Variants in SPECC1 observed in about 807,000 individuals in gnomAD.
SPECC1 encodes cytospin-B.
In SPECC1, 62 loss-of-function variants were observed where a neutral mutation model predicts 104.1. The observed-to-expected ratio is 0.60, with a 90% CI of 0.49 to 0.74. The LOEUF is 0.74. Ranked by LOEUF, SPECC1 falls within the 30% of genes least tolerant of loss-of-function variation. SPECC1 has a pLI of 0.00. For synonymous variants in SPECC1, 513 were observed against 501.6 expected, an observed-to-expected ratio of 1.02 and a Z score of -0.30; for missense variants, 1,306 against 1,310.5, an observed-to-expected ratio of 1.00 and a Z score of 0.05.
At chr17:20,074,459 C>G (rs761458924) in intron 1 of SPECC1, among the ~76,000 whole-genome samples, 1 of 152,232 alleles carries the variant, frequency 6.6e-6, no homozygotes, top group East Asian at 1.9e-4. Context: ...CTTACCCACT[C>G]TATTTTCTAG....
At chr17:20,107,689 C>T (rs150957151) in intron 2 of SPECC1, among the ~76,000 whole-genome samples, 298 of 151,940 alleles carry the variant, frequency 2.0e-3, no homozygotes, top group African/African-American at 7.0e-3. Context: ...ACTCACCTGG[C>T]TAATTTTTGT....
At chr17:20,249,178 G>C (rs2151551902) in intron 9 of SPECC1, among the ~76,000 whole-genome samples, 1 of 152,284 alleles carries the variant, frequency 6.6e-6, no homozygotes, top group East Asian at 1.9e-4. Context: ...CTAGCATTTT[G>C]GGAGGCCGAA....
intron 3 of SPECC1, among the ~76,000 whole-genome samples, chr17:20,185,541 G>T (rs1375268575): frequency 6.6e-6 from 1 of 152,208 alleles, no homozygotes; most frequent in Non-Finnish European, 1.5e-5. Context: ...ATGTAAGAAT[G>T]GCCTAGCCAA....
chr17:20,300,710 C>T lies in SPECC1; in HGVS notation c.3057+3633C>T, dbSNP rs1199675821. On this transcript the variant is annotated intron_variant, in intron 13 of 14. Transcript: ENST00000395527. ...GGCTCCGCCAGCTGCCCAGGCCTCCCGCAGCCGTGGCAGCATGCAGTGGGG... is the reference window on the plus strand; with the variant it reads ...GGCTCCGCCAGCTGCCCAGGCCTCCTGCAGCCGTGGCAGCATGCAGTGGGG... Among the ~76,000 whole-genome samples the T allele has an allele frequency of 3.9e-5, 6 of 152,256 alleles. No individual in the cohort carries two copies. The South Asian group carries it at 6.2e-4, about 16-fold the overall frequency.
chr17:20,291,759 G>A (rs189711005), intron 12 of SPECC1, among the ~76,000 whole-genome samples: 10 of 152,050 alleles, frequency 6.6e-5, no homozygotes, highest in East Asian at 3.9e-4. Flanking sequence ...TGGCCTGTCC[G>A]GTCTCAAACC....
At position 20,318,246 on chromosome 17, in the gene SPECC1, C is replaced by T. The variant is rs568028909; in HGVS notation, c.*4181C>T. On this transcript the variant is annotated 3_prime_UTR_variant, in exon 15 of 15. Transcript: ENST00000395527. ...CAAGGTGAGAAGTCGCTGTTCTCTG[C>T]ATTGAACATGGATTGAATTTTCCTT... 12 of 232,508 alleles carry T rather than the reference C, an allele frequency of 5.2e-5. No individual in the cohort carries two copies. Among genetic ancestry groups the T allele is most frequent in the Non-Finnish European group, 7.7e-5 (9 of 117,558 alleles). The allele number at this position is 232,508 out of a possible 1,614,324, so 14.4% of individuals were successfully genotyped here.
chr17:20,209,662 C>T lies in SPECC1; in HGVS notation c.1863+3750C>T, dbSNP rs562245370. On this transcript the variant is annotated intron_variant, in intron 4 of 14. Transcript: ENST00000395527. Reference sequence around the variant, plus strand: ...GGCCGCTTAATCTGTAGTCACATGACATACTTCTGTACAACTTTGAGGACG... The same window carrying T: ...GGCCGCTTAATCTGTAGTCACATGATATACTTCTGTACAACTTTGAGGACG... 2.0e-5 allele frequency among the ~76,000 whole-genome samples: 3 copies of T among 152,262 alleles called. No individual in the cohort carries two copies. In the South Asian group the frequency reaches 6.2e-4, roughly 32 times the overall value.
chr17:20,161,563 G>C (rs1263666548), intron 3 of SPECC1, among the ~76,000 whole-genome samples: 2 of 152,182 alleles, frequency 1.3e-5, no homozygotes, highest in Admixed American at 6.5e-5. Context: ...GATTTATAGA[G>C]AAGACAGTGG....
chr17:20,175,901 T>C (rs1178471411), intron 3 of SPECC1, among the ~76,000 whole-genome samples: 2 of 152,220 alleles, frequency 1.3e-5, no homozygotes, highest in East Asian at 3.8e-4. Context: ...AATCCAGGTG[T>C]GAATTCAACT....
chr17:20,092,514 C>T (rs1301608869), intron 1 of SPECC1, among the ~76,000 whole-genome samples: 1 of 152,162 alleles, frequency 6.6e-6, no homozygotes, highest in Non-Finnish European at 1.5e-5. Flanking sequence ...GCTTCTTTCT[C>T]TCTTTCACAT....
chr17:20,292,634 C>T (rs1255703139), intron 12 of SPECC1, among the ~76,000 whole-genome samples: 1 of 152,138 alleles, frequency 6.6e-6, no homozygotes, highest in South Asian at 2.1e-4. Flanking sequence ...AAGCATTTCC[C>T]CATTTCTAAA....
intron 12 of SPECC1, among the ~76,000 whole-genome samples, chr17:20,273,386 G>A (rs1212911317): frequency 6.6e-6 from 1 of 151,730 alleles, no homozygotes; most frequent in East Asian, 1.9e-4. Flanking sequence ...GCTGAGGCAT[G>A]AGAGTCTCTT....
At chr17:20,120,516 G>T (rs1416461408) in intron 3 of SPECC1, among the ~76,000 whole-genome samples, 3 of 152,132 alleles carry the variant, frequency 2.0e-5, no homozygotes, top group Non-Finnish European at 4.4e-5. Flanking sequence ...GGAAATTGGG[G>T]GACTTCTGGC....
chr17:20,065,892 C>G (rs1465234312), intron 1 of SPECC1, among the ~76,000 whole-genome samples: 1 of 152,110 alleles, frequency 6.6e-6, no homozygotes, highest in Non-Finnish European at 1.5e-5. Context: ...GCCTAAAGTG[C>G]CCTGAAATTA....
intron 7 of SPECC1, chr17:20,239,208 T>G: frequency 9.8e-7 from 1 of 1,019,658 alleles, no homozygotes; most frequent in Non-Finnish European, 1.2e-6. Flanking sequence ...ATGAATAGAT[T>G]GATGATTTAA....
At position 20,252,318 on chromosome 17, in the gene SPECC1, T is replaced by C. The variant is rs1221525950; in HGVS notation, c.2599-1187T>C. ...TCAGGGTGTACATGTACAGATTTGT[T>C]ACATGGATATATTGTGGGATGCTGA... On this transcript the variant is annotated intron_variant, in intron 9 of 14. Transcript: ENST00000395527. Among the ~76,000 whole-genome samples, 5 of 152,150 alleles carry C rather than the reference T, an allele frequency of 3.3e-5. No homozygotes were observed. The East Asian group carries it at 9.6e-4, about 29-fold the overall frequency.
At chr17:20,236,439 A>G (rs1345395233) in intron 7 of SPECC1, among the ~76,000 whole-genome samples, 2 of 152,206 alleles carry the variant, frequency 1.3e-5, no homozygotes, top group East Asian at 1.9e-4. Flanking sequence ...ACAGATTTCA[A>G]CAATGTGGAC....
chr17:20,143,136 A>G (rs9904399), intron 3 of SPECC1, among the ~76,000 whole-genome samples: 7 of 151,762 alleles, frequency 4.6e-5, no homozygotes, highest in African/African-American at 1.7e-4. Flanking sequence ...ACCACGTCTT[A>G]GAAACAACCA....
chr17:20,035,742 C>T (rs1485136872), intron 1 of SPECC1, among the ~76,000 whole-genome samples: 1 of 152,064 alleles, frequency 6.6e-6, no homozygotes, highest in African/African-American at 2.4e-5. Context: ...CTTTGTCCAG[C>T]TCAATTGATT....
Sources: allele counts gnomAD v4.1 joint callset (sites outside exome capture counted in the v4.1 genomes callset), GRCh38; gene constraint gnomAD v4.1.1; transcripts MANE v1.5; gene names NCBI Gene and HGNC (gene_info 2026-07-23, HGNC 2026-07-21).